Variants in SLC10A7 observed in about 807,000 individuals in gnomAD.
SLC10A7 encodes sodium/bile acid cotransporter 7.
A neutral mutation model predicts 43.2 loss-of-function variants in SLC10A7; 29 were observed. That is an observed-to-expected ratio of 0.67 (90% CI 0.50 to 0.92). The LOEUF (loss-of-function observed/expected upper bound fraction) is 0.92. Among genes scored for constraint, SLC10A7 ranks in the 40% least tolerant of loss-of-function variants. The pLI is 0.00. For missense variants in SLC10A7, 295 were observed against 403.2 expected (o/e 0.73, Z 2.30); for synonymous variants, 152 against 144.8 (o/e 1.05, Z -0.35).
chr4:146,353,030 TA>T (rs1735254852), intron 5 of SLC10A7, among the ~76,000 whole-genome samples: 1 of 150,842 alleles, frequency 6.6e-6, no homozygotes, highest in African/African-American at 2.4e-5. Flanking sequence ...AAGAAATAAC[TA>T]AAATCAGAGG....
intron 5 of SLC10A7, among the ~76,000 whole-genome samples, chr4:146,363,346 G>A (rs1736181580): frequency 6.6e-6 from 1 of 152,074 alleles, no homozygotes; most frequent in African/African-American, 2.4e-5. Context: ...ACTCAATGCA[G>A]CATCCAGTTA....
At chr4:146,408,759 GC>G (rs1426533385) in intron 5 of SLC10A7, 1 of 151,958 alleles carries the variant, frequency 6.6e-6, no homozygotes, top group Non-Finnish European at 1.5e-5. Context: ...TTAATTCTCA[GC>G]TTTGTAGGAA....
chr4:146,303,544 A>T (rs755006498), intron 7 of SLC10A7, among the ~76,000 whole-genome samples: 10 of 151,486 alleles, frequency 6.6e-5, no homozygotes, highest in African/African-American at 9.7e-5. Flanking sequence ...CACCCAGCCA[A>T]TTTTTTTGTA....
At chr4:146,359,847 T>A (rs1185671176) in intron 5 of SLC10A7, among the ~76,000 whole-genome samples, 1 of 152,180 alleles carries the variant, frequency 6.6e-6, no homozygotes, top group Non-Finnish European at 1.5e-5. Context: ...ACTTCTATTA[T>A]AATTTGATTT....
chr4:146,260,318 G>A (rs76853886), intron 10 of SLC10A7, among the ~76,000 whole-genome samples: 3,331 of 152,266 alleles, frequency 0.022, 112 homozygotes, highest in African/African-American at 0.076. Flanking sequence ...TCCAAGAAAC[G>A]TTATTCATTC....
chr4:146,484,701 T>C lies in SLC10A7; in HGVS notation c.396+19148A>G, dbSNP rs544084524. Among the ~76,000 whole-genome samples, 21 of 152,278 alleles carry C rather than the reference T, an allele frequency of 1.4e-4. No homozygotes were observed. In the South Asian group the frequency reaches 2.5e-3, roughly 18 times the overall value. Reference sequence around the variant, plus strand: ...GGATTTATGCTATTGTAGGTAAGTATTGATTTTTTTAAATAAAAGGGAAAA... The same window carrying C: ...GGATTTATGCTATTGTAGGTAAGTACTGATTTTTTTAAATAAAAGGGAAAA... On this transcript the variant is annotated intron_variant, in intron 4 of 11. Coordinates refer to ENST00000335472, the MANE Select transcript of SLC10A7 (RefSeq NM_001029998.6).
chr4:146,434,030 G>A lies in SLC10A7; in HGVS notation c.435+8753C>T, dbSNP rs879867153. On this transcript the variant is annotated intron_variant, in intron 5 of 11. Coordinates refer to ENST00000335472, the MANE Select transcript of SLC10A7 (RefSeq NM_001029998.6). ...GTGGCAGTTTTTTAAAAATAATAGC[G>A]AAAGAATAAATACTGTATCCAAAAA... Among the ~76,000 whole-genome samples the A allele has an allele frequency of 4.0e-5, 6 of 151,838 alleles. 1 individual carries two copies. Among genetic ancestry groups the A allele is most frequent in the Admixed American group, 3.3e-4 (5 of 15,248 alleles).
At chr4:146,381,073 CCATA>C (rs1737581201) in intron 5 of SLC10A7, among the ~76,000 whole-genome samples, 1 of 151,970 alleles carries the variant, frequency 6.6e-6, no homozygotes, top group East Asian at 1.9e-4. Context: ...CCCCTAAAGC[CCATA>C]CAATTTGGGG....
intron 6 of SLC10A7, among the ~76,000 whole-genome samples, chr4:146,308,232 C>A (rs1731725769): frequency 6.6e-6 from 1 of 152,094 alleles, no homozygotes; most frequent in South Asian, 2.1e-4. Flanking sequence ...GGGACGAAAT[C>A]CCCCAGGATG....
In SLC10A7 at chr4:146,343,183, C is replaced by T. The variant is rs140825960; in HGVS notation, c.436-17187G>A. Among the ~76,000 whole-genome samples, 566 of 152,060 alleles carry T rather than the reference C, an allele frequency of 3.7e-3. 3 individuals are homozygous for T. The highest frequency in any genetic ancestry group is 0.013 in the African/African-American group (537 of 41,512). On this transcript the variant is annotated intron_variant, in intron 5 of 11. Transcript: ENST00000335472. ...CAATTTTCTATTAGGTGATTTCTTACAACACAGTACTGTAATCTTCTTGGG... is the reference window on the plus strand; with the variant it reads ...CAATTTTCTATTAGGTGATTTCTTATAACACAGTACTGTAATCTTCTTGGG...
In SLC10A7 at chr4:146,521,661, C is replaced by G. The variant is rs765818741; in HGVS notation, c.57G>C (p.Ala19=). ...KDWFMVGIVL[A]IAGAKLEPSI... is the part of the protein sequence containing the mutation. Reference sequence around the variant, plus strand: ...ACGGCTCCAGTTTAGCTCCAGCGATCGCCAGCACTATTCCGACCATGAACC... The same window carrying G: ...ACGGCTCCAGTTTAGCTCCAGCGATGGCCAGCACTATTCCGACCATGAACC... The change falls in exon 1 of 12, where the codon GCG becomes GCC. Residue 19 remains alanine (A), a synonymous_variant. Transcript: ENST00000335472. 6.2e-7 allele frequency: 1 copy of G among 1,614,194 alleles called. No individual in the cohort carries two copies. The highest frequency in any genetic ancestry group is 8.5e-7 in the Non-Finnish European group (1 of 1,180,030).
chr4:146,483,117 C>A (rs1374273282), intron 4 of SLC10A7, among the ~76,000 whole-genome samples: 1 of 152,086 alleles, frequency 6.6e-6, no homozygotes, highest in Non-Finnish European at 1.5e-5. Context: ...AATGAAAGGA[C>A]AATAATTACT....
intron 5 of SLC10A7, among the ~76,000 whole-genome samples, chr4:146,428,110 G>A (rs541684640): frequency 1.2e-3 from 182 of 152,256 alleles, no homozygotes; most frequent in African/African-American, 4.0e-3. Context: ...CTGGGAGGTT[G>A]AGGCTGCAGT....
intron 7 of SLC10A7, among the ~76,000 whole-genome samples, chr4:146,300,368 T>A (rs1237069950): frequency 2.0e-5 from 3 of 152,240 alleles, no homozygotes; most frequent in Non-Finnish European, 4.4e-5. Flanking sequence ...ACAATTTTAA[T>A]AATAAATATT....
rs943996213 is a variant in SLC10A7 at position 146,283,916 on chromosome 4, G to A, written c.774-651C>T. 3.9e-5 allele frequency among the ~76,000 whole-genome samples: 6 copies of A among 152,090 alleles called. No individual in the cohort carries two copies. In the South Asian group the frequency reaches 8.3e-4, roughly 21 times the overall value. On this transcript the variant is annotated intron_variant, in intron 9 of 11. Transcript: ENST00000335472. ...GTGACAGAGCCAGGATTCAAACAGA[G>A]TCTAGTTCCCAGGCCTGTGTTCTTA...
intron 10 of SLC10A7, among the ~76,000 whole-genome samples, chr4:146,273,552 T>C (rs1013679257): frequency 6.6e-6 from 1 of 152,136 alleles, no homozygotes; most frequent in Non-Finnish European, 1.5e-5. Flanking sequence ...GTATGGGAAG[T>C]ACCTAGTATA....
intron 4 of SLC10A7, among the ~76,000 whole-genome samples, chr4:146,445,757 G>A (rs1730996913): frequency 6.6e-6 from 1 of 152,084 alleles, no homozygotes; most frequent in Non-Finnish European, 1.5e-5. Flanking sequence ...AGCTGGAAAC[G>A]GGGTGGAATG....
intron 5 of SLC10A7, among the ~76,000 whole-genome samples, chr4:146,349,065 G>T (rs554696241): frequency 6.6e-6 from 1 of 152,120 alleles, no homozygotes; most frequent in Non-Finnish European, 1.5e-5. Flanking sequence ...CCCAATGAAT[G>T]CTGAAATATG....
intron 5 of SLC10A7, among the ~76,000 whole-genome samples, chr4:146,430,207 A>T (rs1474932969): frequency 6.6e-6 from 1 of 152,066 alleles, no homozygotes; most frequent in Non-Finnish European, 1.5e-5. Flanking sequence ...AAGACACTGG[A>T]TGGGCGGGGA....
Sources: allele counts gnomAD v4.1 joint callset (sites outside exome capture counted in the v4.1 genomes callset), GRCh38; gene constraint gnomAD v4.1.1; transcripts MANE v1.5; gene names NCBI Gene and HGNC (gene_info 2026-07-23, HGNC 2026-07-21).